ANKRD62: variants seen among roughly 807,000 people sequenced by gnomAD.
The protein encoded by ANKRD62 is ankyrin repeat domain 62.
In ANKRD62, 61 loss-of-function variants were observed where a neutral mutation model predicts 98.8. The observed-to-expected ratio is 0.62, with a 90% CI of 0.50 to 0.76. The LOEUF (loss-of-function observed/expected upper bound fraction) is 0.76, where lower values mean the gene tolerates loss of function less well. Among genes scored for constraint, ANKRD62 ranks in the 30% least tolerant of loss-of-function variants. ANKRD62 has a pLI of 0.00. For missense variants in ANKRD62, 933 were observed against 1,082.9 expected (o/e 0.86, Z 1.94); for synonymous variants, 341 against 367.9 (o/e 0.93, Z 0.84).
Position 12,095,076 on chromosome 18 carries a change from G to A in ANKRD62, c.219-95G>A. 5.6e-6 allele frequency: 5 copies of A among 895,608 alleles called. No individual in the cohort carries two copies. In the South Asian group the frequency reaches 5.9e-5, roughly 11 times the overall value. The allele number at this position is 895,608 out of a possible 1,614,324, so 55.5% of individuals were successfully genotyped here. ...TAACTATTTGTTCTGAAGGCAGAGG[G>A]ATAACATACTATTGGATGTTTACAA... On this transcript the variant is annotated intron_variant, in intron 1 of 13. Transcript: ENST00000587848.
chr18:12,174,157 T>G, the ANKRD62 span, among the ~76,000 whole-genome samples: 7 of 152,358 alleles, frequency 4.6e-5, no homozygotes, highest in South Asian at 1.5e-3. Context: ...TCTCTTTATG[T>G]AATCCCATAT....
the ANKRD62 span, among the ~76,000 whole-genome samples, chr18:12,146,559 C>T: frequency 2.0e-5 from 3 of 152,218 alleles, no homozygotes; most frequent in Non-Finnish European, 4.4e-5. Context: ...AATTCTCCAG[C>T]CTCAGCCTTC....
chr18:12,106,606 A>G (rs964264187), intron 7 of ANKRD62, among the ~76,000 whole-genome samples: 1 of 152,216 alleles, frequency 6.6e-6, no homozygotes, highest in Non-Finnish European at 1.5e-5. Context: ...GCCAAAGTAG[A>G]TAATTACTTA....
intron 8 of ANKRD62, among the ~76,000 whole-genome samples, chr18:12,111,425 T>C (rs948950859): frequency 6.6e-6 from 1 of 152,028 alleles, no homozygotes; most frequent in Non-Finnish European, 1.5e-5. Flanking sequence ...ATAAGAGCCG[T>C]ATATGACAAA....
chr18:12,115,075 GT>G lies in ANKRD62; in HGVS notation c.1065-3del, dbSNP rs372510836. The G allele has an allele frequency of 1.8e-3, 2,188 of 1,186,092 alleles. No homozygotes were observed. Among genetic ancestry groups the G allele is most frequent in the African/African-American group, 7.2e-3 (449 of 62,396 alleles). 73.5% of individuals were successfully genotyped at this position (1,186,092 alleles called of 1,614,324 possible). On this transcript the variant is annotated splice_polypyrimidine_tract_variant and intron_variant, in intron 8 of 13. Coordinates refer to ENST00000587848, the MANE Select transcript of ANKRD62 (RefSeq NM_001277333.2). ...CTATTTGCCTGATTGGAATTTTTTG[GT>G]TTTTTTTTTAGGCTTGCAAGGAAAA...
rs1025460204 is a variant in ANKRD62 at position 12,095,682 on chromosome 18, T to A, written c.507+72T>A. On this transcript the variant is annotated intron_variant, in intron 3 of 13. Coordinates refer to ENST00000587848, the MANE Select transcript of ANKRD62 (RefSeq NM_001277333.2). ...TTTACCATTGACATATGATTTTTTT[T>A]AGTAAAACATCTGAAACTAGAAGGA... The A allele has an allele frequency of 5.3e-6, 7 of 1,312,570 alleles. No individual in the cohort carries two copies. In the Admixed American group the frequency reaches 1.9e-4, roughly 35 times the overall value. 81.3% of individuals were successfully genotyped at this position (1,312,570 alleles called of 1,614,324 possible). A position where few individuals can be genotyped will look rare whatever the true frequency, so the allele number is the denominator to read the frequency against.
At chr18:12,100,152 C>T (rs1443599445) in intron 6 of ANKRD62, among the ~76,000 whole-genome samples, 1 of 152,002 alleles carries the variant, frequency 6.6e-6, no homozygotes, top group Non-Finnish European at 1.5e-5. Flanking sequence ...TCTGGACTCC[C>T]CCCTAAAACT....
chr18:12,156,765 T>A, the ANKRD62 span, among the ~76,000 whole-genome samples: 1 of 151,460 alleles, frequency 6.6e-6, no homozygotes, highest in African/African-American at 2.5e-5. Flanking sequence ...TTTGTTTTCA[T>A]AAAAAATATC....
Position 12,095,532 on chromosome 18 carries a change from C to G in ANKRD62, c.429C>G (p.His143Gln). The G allele has an allele frequency of 6.4e-7, 1 of 1,559,242 alleles. No individual in the cohort carries two copies. Among genetic ancestry groups the G allele is most frequent in the African/African-American group, 1.3e-5 (1 of 74,194 alleles). The change falls in exon 3 of 14, where the codon CAC becomes CAG. Residue 143 changes from histidine (H) to glutamine (Q), a missense_variant. By Grantham distance (24) the His-to-Gln change is conservative. Coordinates refer to ENST00000587848, the MANE Select transcript of ANKRD62 (RefSeq NM_001277333.2). ...ATATGTATGGCAACACTGCTCTGCA[C>G]TATGCCATTGATAATGAGAATATAT... is the stretch of plus-strand genomic sequence containing the variant. ...VRDMYGNTAL[H>Q]YAIDNENISM...
At position 12,129,635 on chromosome 18, in the gene ANKRD62, C is replaced by G. The variant is rs916834943; in HGVS notation, c.*1696C>G. On this transcript the variant is annotated 3_prime_UTR_variant, in exon 14 of 14. Coordinates refer to ENST00000587848, the MANE Select transcript of ANKRD62 (RefSeq NM_001277333.2). ...TGGTGGCAGGCGCCTGTAGTCCCAG[C>G]TACTCGGGAGGCTGAGGCAGGAGAA... is the stretch of plus-strand genomic sequence containing the variant. 1 of 151,746 alleles carries G rather than the reference C, an allele frequency of 6.6e-6. No homozygotes were observed. Among genetic ancestry groups the G allele is most frequent in the African/African-American group, 2.4e-5 (1 of 41,264 alleles). 9.4% of individuals were successfully genotyped at this position (151,746 alleles called of 1,614,324 possible). A position where few individuals can be genotyped will look rare whatever the true frequency, so the allele number is the denominator to read the frequency against.
chr18:12,175,653 A>C, the ANKRD62 span, among the ~76,000 whole-genome samples: 1 of 152,050 alleles, frequency 6.6e-6, no homozygotes, highest in Non-Finnish European at 1.5e-5. Context: ...GCAAGCAGGC[A>C]TGACCAGGCT....
At chr18:12,141,429 G>C in the ANKRD62 span, among the ~76,000 whole-genome samples, 4 of 152,164 alleles carry the variant, frequency 2.6e-5, no homozygotes, top group Admixed American at 1.3e-4. Context: ...CTTCTGTGTC[G>C]CTCACACTGG....
At chr18:12,149,997 A>C in the ANKRD62 span, among the ~76,000 whole-genome samples, 15 of 152,214 alleles carry the variant, frequency 9.9e-5, no homozygotes, top group African/African-American at 3.6e-4. Context: ...AGGACCGTTG[A>C]GATTCAGGAA....
chr18:12,131,312 G>T (rs765216899), downstream of ANKRD62, among the ~76,000 whole-genome samples: 4 of 152,142 alleles, frequency 2.6e-5, no homozygotes, highest in Non-Finnish European at 5.9e-5. Context: ...CAAAAATTAT[G>T]AATTAAATTT....
chr18:12,099,040 T>C (rs1909244209), intron 5 of ANKRD62, among the ~76,000 whole-genome samples: 1 of 152,228 alleles, frequency 6.6e-6, no homozygotes, highest in Non-Finnish European at 1.5e-5. Context: ...TGAGATGTCC[T>C]GAATCATAAG....
At chr18:12,175,825 G>T in the ANKRD62 span, among the ~76,000 whole-genome samples, 7 of 151,966 alleles carry the variant, frequency 4.6e-5, no homozygotes, top group Admixed American at 4.6e-4. Flanking sequence ...CACACATAGT[G>T]AGGGAGTTTC....
chr18:12,137,608 G>C, the ANKRD62 span, among the ~76,000 whole-genome samples: 1 of 152,156 alleles, frequency 6.6e-6, no homozygotes, highest in African/African-American at 2.4e-5. Context: ...GGTTGCAATA[G>C]TTTCAGAAGG....
the ANKRD62 span, among the ~76,000 whole-genome samples, chr18:12,172,272 T>A: frequency 6.6e-6 from 1 of 152,332 alleles, no homozygotes; most frequent in Non-Finnish European, 1.5e-5. Context: ...ATCTTTGTGG[T>A]TTTATCTACC....
the ANKRD62 span, among the ~76,000 whole-genome samples, chr18:12,174,957 G>T: frequency 6.6e-6 from 1 of 152,258 alleles, no homozygotes; most frequent in African/African-American, 2.4e-5. Flanking sequence ...GTGACAGCAG[G>T]ATTCTCATTT....
Sources: gnomAD v4.1 joint callset for allele counts (sites outside exome capture counted in the v4.1 genomes callset) on GRCh38, gnomAD v4.1.1 for gene constraint, MANE v1.5 for transcripts, NCBI Gene and HGNC (gene_info 2026-07-23, HGNC 2026-07-21) for gene names.